Variants in PCDH1 observed in about 807,000 individuals in gnomAD.
PCDH1 encodes the protein protocadherin 1.
A neutral mutation model predicts 74.6 loss-of-function variants in PCDH1; 23 were observed. The observed-to-expected ratio is 0.31, with a 90% CI of 0.22 to 0.44. The LOEUF is 0.44. Among genes scored for constraint, PCDH1 ranks in the 20% least tolerant of loss-of-function variants. The probability of loss-of-function intolerance (pLI) is 1.00; values close to 1 mark genes in which losing one functional copy is unlikely to be tolerated. For synonymous variants in PCDH1, 647 were observed against 686.1 expected, an observed-to-expected ratio of 0.94 and a Z score of 0.89; for missense variants, 1,214 against 1,641.4, an observed-to-expected ratio of 0.74 and a Z score of 4.50.
rs139108142 is a variant in PCDH1 at position 141,857,202 on chromosome 5, C to T, written c.3319+50G>A. ...TTGTTTAAGGCCTTGTCACCATTCC[C>T]AGGCTTCCACTCATTCCTGGGGTGC... On this transcript the variant is annotated intron_variant, in intron 4 of 4. Transcript: ENST00000287008. 6,800 of 1,436,516 alleles carry T rather than the reference C, an allele frequency of 4.7e-3. 26 individuals carry two copies. The highest frequency in any genetic ancestry group is 0.013 in the Admixed American group (565 of 44,708). The allele number at this position is 1,436,516 out of a possible 1,614,324, so 89.0% of individuals were successfully genotyped here.
intron 1 of PCDH1, among the ~76,000 whole-genome samples, chr5:141,870,257 T>C (rs1315717696): frequency 6.7e-6 from 1 of 149,508 alleles, no homozygotes; most frequent in African/African-American, 2.6e-5. Flanking sequence ...CCACAGAGCG[T>C]GCACACATGC....
Position 141,863,222 on chromosome 5 carries a change from G to T in PCDH1, c.3099+10C>A, listed in dbSNP as rs1752641470. ...GGCTGGGGTGTGCTGAGCTGAAAGG[G>T]CTGGCCTACCTGCTTGCTGGGGTAT... On this transcript the variant is annotated intron_variant, in intron 3 of 4. Transcript: ENST00000287008. This position sits in a 1 kb window ranked among gnomAD's most constrained non-coding sequence, Gnocchi z 7.5. The T allele has an allele frequency of 6.3e-7, 1 of 1,577,906 alleles. No homozygotes were observed. Among genetic ancestry groups the T allele is most frequent in the Non-Finnish European group, 8.6e-7 (1 of 1,162,222 alleles).
At chr5:141,874,419 G>A (rs956971418) in intron 1 of PCDH1, among the ~76,000 whole-genome samples, 1 of 152,186 alleles carries the variant, frequency 6.6e-6, no homozygotes, top group Non-Finnish European at 1.5e-5. Flanking sequence ...CCTGGGCAAC[G>A]GTGCCCTACC....
Position 141,868,413 on chromosome 5 carries a change from T to C in PCDH1, c.903+156A>G. 1 of 1,396,568 alleles carries C rather than the reference T, an allele frequency of 7.2e-7. No individual in the cohort carries two copies. The highest frequency in any genetic ancestry group is 9.3e-7 in the Non-Finnish European group (1 of 1,080,052). 86.5% of individuals were successfully genotyped at this position (1,396,568 alleles called of 1,614,324 possible). ...AGTAATATCACCTGCTGGGGTGGGG[T>C]GGGAAAGACTCCCCTGGCTGAGTTT... On this transcript the variant is annotated intron_variant, in intron 2 of 4. Transcript: ENST00000287008. The surrounding 1 kb of genome is among the most constrained non-coding windows in gnomAD (Gnocchi z 4.8).
chr5:141,868,802 C>T lies in PCDH1; in HGVS notation c.670G>A (p.Asp224Asn), dbSNP rs1250842305. ...QELFGLQVAEDQEEKQPQLIV... is the reference protein window; with the variant it reads ...QELFGLQVAENQEEKQPQLIV... ...AGCTGTGGTTGCTTCTCCTCCTGGT[C>T]CTCTGCCACCTGCAGCCCAAATAGC... Residue 224 changes from aspartate (D) to asparagine (N), a missense_variant, in exon 2 of 5, where the codon GAC (aspartate) becomes AAC (asparagine). Transcript: ENST00000287008. The surrounding 1 kb of genome is among the most constrained non-coding windows in gnomAD (Gnocchi z 4.8). 1.9e-6 allele frequency: 3 copies of T among 1,614,218 alleles called. No homozygotes were observed. Among genetic ancestry groups the T allele is most frequent in the Non-Finnish European group, 2.5e-6 (3 of 1,180,036 alleles).
Position 141,853,127 on chromosome 5 carries a change from TAAATA to T in PCDH1, c.*910_*914del, listed in dbSNP as rs1752188466. ...AGAGATTTGTATTTTTAAGAAAAAT[TAAATA>T]AAAGCCCAGCTCTGCTGATAGGCAA... On this transcript the variant is annotated 3_prime_UTR_variant, in exon 5 of 5. Coordinates refer to ENST00000287008, the MANE Select transcript of PCDH1 (RefSeq NM_032420.5). 2.0e-5 allele frequency: 3 copies of T among 152,046 alleles called. No homozygotes were observed. Among genetic ancestry groups the T allele is most frequent in the Admixed American group, 2.0e-4 (3 of 15,272 alleles). 9.4% of individuals were successfully genotyped at this position (152,046 alleles called of 1,614,324 possible).
intron 1 of PCDH1, among the ~76,000 whole-genome samples, chr5:141,873,670 G>A (rs1046269641): frequency 2.7e-5 from 4 of 146,560 alleles, no homozygotes; most frequent in African/African-American, 1.0e-4. Flanking sequence ...GTGTTAGCCA[G>A]GATGGTCTTG....
At chr5:141,870,937 T>G (rs79970685) in intron 1 of PCDH1, among the ~76,000 whole-genome samples, 8,217 of 152,226 alleles carry the variant, frequency 0.054, 356 homozygotes, top group Non-Finnish European at 0.079. Flanking sequence ...TCAATCCCAC[T>G]GAGGGCAGGC....
At chr5:141,872,133 C>G (rs935871588) in intron 1 of PCDH1, among the ~76,000 whole-genome samples, 3 of 144,938 alleles carry the variant, frequency 2.1e-5, no homozygotes, top group East Asian at 2.0e-4. Context: ...CCCCCACCCC[C>G]CCCCTCCACC....
intron 4 of PCDH1, among the ~76,000 whole-genome samples, chr5:141,855,504 G>C (rs774406134): frequency 3.7e-4 from 57 of 152,078 alleles, no homozygotes; most frequent in Non-Finnish European, 6.9e-4. Context: ...CACACACACA[G>C]ATAGGCATGG....
Position 141,864,069 on chromosome 5 carries a change from GTAGA to G in PCDH1, c.2258_2261del (p.Ile753ThrfsTer39), listed in dbSNP as rs1321532464. 1 of 1,613,746 alleles carries G rather than the reference GTAGA, an allele frequency of 6.2e-7. No homozygotes were observed. Among genetic ancestry groups the G allele is most frequent in the East Asian group, 2.2e-5 (1 of 44,862 alleles). On this transcript the variant is annotated frameshift_variant, in exon 3 of 5. Coordinates refer to ENST00000287008, the MANE Select transcript of PCDH1 (RefSeq NM_032420.5). LOFTEE classifies it high-confidence loss of function. This position sits in a 1 kb window ranked among gnomAD's most constrained non-coding sequence, Gnocchi z 5.9. Reference sequence around the variant, plus strand: ...CATAAGGGTTGCCACCTGCAATGCTGTAGATCAGCTCAGCATTGACACCAGAGTC... The same window carrying G: ...CATAAGGGTTGCCACCTGCAATGCTGTCAGCTCAGCATTGACACCAGAGTC...
intron 4 of PCDH1, among the ~76,000 whole-genome samples, chr5:141,855,415 C>A (rs1046123045): frequency 1.3e-5 from 2 of 152,170 alleles, no homozygotes; most frequent in Non-Finnish European, 2.9e-5. Context: ...ATGTGCAAAT[C>A]TATCCTCAGG....
At position 141,863,974 on chromosome 5, in the gene PCDH1, C is replaced by G; in HGVS notation, c.2357G>C (p.Gly786Ala). Residue 786 changes from glycine (G) to alanine (A), a missense_variant, in exon 3 of 5, where the codon GGG becomes GCG. Gly to Ala is a moderately conservative substitution (Grantham distance 60). Around this residue, in one of 4 missense-constraint regions of PCDH1, gnomAD observed 836 missense variants for 1,182.2 expected, o/e 0.71. Transcript: ENST00000287008. This position sits in a 1 kb window ranked among gnomAD's most constrained non-coding sequence, Gnocchi z 7.5. The stretch of plus-strand genomic sequence containing the variant: ...GACCTTCACCACCAGGCGGTGTAGC[C>G]CATGGTGGCGCCGCTCAATCTCCTT... ...LEKEIERRHHGLHRLVVKVSD... is the reference protein window; with the variant it reads ...LEKEIERRHHALHRLVVKVSD... 6.2e-7 allele frequency: 1 copy of G among 1,613,546 alleles called. No individual in the cohort carries two copies. Among genetic ancestry groups the G allele is most frequent in the Non-Finnish European group, 8.5e-7 (1 of 1,179,818 alleles).
At chr5:141,861,442 C>T (rs184758058) in intron 3 of PCDH1, among the ~76,000 whole-genome samples, 349 of 152,104 alleles carry the variant, frequency 2.3e-3, no homozygotes, top group African/African-American at 8.2e-3. Context: ...AAGAGACAAT[C>T]CCTCAGATCA....
Position 141,878,080 on chromosome 5 carries a change from G to A in PCDH1, c.40+143C>T. 6.0e-6 allele frequency: 4 copies of A among 667,710 alleles called. No individual in the cohort carries two copies. The highest frequency in any genetic ancestry group is 8.7e-6 in the Non-Finnish European group (4 of 459,944). The allele number at this position is 667,710 out of a possible 1,614,324, so 41.4% of individuals were successfully genotyped here. A position where few individuals can be genotyped will look rare whatever the true frequency, so the allele number is the denominator to read the frequency against. ...CATCCCCTGCTATGGGCTCCCAGCAGCCCCCACCTCAGCCCCCTCGCGCCG... is the reference window on the plus strand; with the variant it reads ...CATCCCCTGCTATGGGCTCCCAGCAACCCCCACCTCAGCCCCCTCGCGCCG... On this transcript the variant is annotated intron_variant, in intron 1 of 4. Coordinates refer to ENST00000287008, the MANE Select transcript of PCDH1 (RefSeq NM_032420.5). The surrounding 1 kb of genome is among the most constrained non-coding windows in gnomAD (Gnocchi z 5.5).
At position 141,854,247 on chromosome 5, in the gene PCDH1, C is replaced by T. The variant is rs777658475; in HGVS notation, c.3509G>A (p.Gly1170Asp). 2 of 1,611,740 alleles carry T rather than the reference C, an allele frequency of 1.2e-6. No individual in the cohort carries two copies. Among genetic ancestry groups the T allele is most frequent in the Admixed American group, 3.3e-5 (2 of 59,738 alleles). ...CCGGTCTTCCGGGGGGCTGGGGCTG[C>T]CGGCGCCCGCAGGCTCCTGCCCTCC... Reference protein sequence around the residue: ...DRGGQEPAGAGSPSPPEDRNT... With the variant: ...DRGGQEPAGADSPSPPEDRNT... Residue 1170 changes from glycine (G) to aspartate (D), a missense_variant, in exon 5 of 5, where the codon GGC becomes GAC. Around this residue, in one of 4 missense-constraint regions of PCDH1, gnomAD observed 194 missense variants for 198.3 expected, o/e 0.98. Coordinates refer to ENST00000287008, the MANE Select transcript of PCDH1 (RefSeq NM_032420.5).
At chr5:141,855,025 G>T (rs894479153) in intron 4 of PCDH1, among the ~76,000 whole-genome samples, 1 of 151,602 alleles carries the variant, frequency 6.6e-6, no homozygotes, top group Non-Finnish European at 1.5e-5. Context: ...AGGCTGGAGT[G>T]CAGTGGTGTG....
At chr5:141,867,867 C>A (rs1329116158) in intron 2 of PCDH1, among the ~76,000 whole-genome samples, 1 of 152,220 alleles carries the variant, frequency 6.6e-6, no homozygotes, top group African/African-American at 2.4e-5. Flanking sequence ...TTTGCTCCCT[C>A]CCAGTCCCCA....
chr5:141,873,370 C>A (rs867584450), intron 1 of PCDH1, among the ~76,000 whole-genome samples: 34 of 149,942 alleles, frequency 2.3e-4, no homozygotes, highest in African/African-American at 8.4e-4. Context: ...GATCTCCTGA[C>A]CTCATGATCT....
Sources: gnomAD v4.1 joint callset for allele counts (sites outside exome capture counted in the v4.1 genomes callset) on GRCh38, gnomAD v4.1.1 for gene constraint, gnomAD v4.1.1 regional missense constraint, Gnocchi (gnomAD v3.1) non-coding constraint, MANE v1.5 for transcripts, NCBI Gene and HGNC (gene_info 2026-07-23, HGNC 2026-07-21) for gene names.